OSBPL6: variants seen among roughly 807,000 people sequenced by gnomAD.
OSBPL6 encodes the protein oxysterol binding protein like 6.
In OSBPL6, 49 loss-of-function variants were observed where a neutral mutation model predicts 125.8. That is an observed-to-expected ratio of 0.39 (90% confidence interval 0.31 to 0.49). The LOEUF (loss-of-function observed/expected upper bound fraction) is 0.49. Among genes scored for constraint, OSBPL6 ranks in the 20% least tolerant of loss-of-function variants. OSBPL6 has a pLI of 0.88. For missense variants in OSBPL6, 986 were observed against 1,135.4 expected, an observed-to-expected ratio of 0.87 and a Z score of 1.89; for synonymous variants, 394 against 391.8, an observed-to-expected ratio of 1.01 and a Z score of -0.07.
At chr2:178,339,926 A>G (rs544411051) in intron 11 of OSBPL6, among the ~76,000 whole-genome samples, 162 bp downstream of exon 11, 11 of 152,158 alleles carry the variant, frequency 7.2e-5, no homozygotes, top group Non-Finnish European at 1.2e-4. Flanking sequence ...AAATCTCTAT[A>G]TTTTTCTTAC....
chr2:178,374,444 G>A (rs551435044), intron 15 of OSBPL6, among the ~76,000 whole-genome samples: 1 of 152,338 alleles, frequency 6.6e-6, no homozygotes, highest in South Asian at 2.1e-4. Context: ...CTAGGGACAT[G>A]AATTTAAACT....
chr2:178,271,205 A>G (rs1365035573), intron 1 of OSBPL6, among the ~76,000 whole-genome samples: 3 of 152,160 alleles, frequency 2.0e-5, no homozygotes, highest in Non-Finnish European at 4.4e-5. Flanking sequence ...CGGCATTTTA[A>G]AATTTATTTC....
At chr2:178,349,437 G>C in intron 12 of OSBPL6, 48 bp downstream of exon 12, 1 of 1,565,872 alleles carries the variant, frequency 6.4e-7, no homozygotes, top group Non-Finnish European at 8.8e-7. Context: ...CTTCTTTGAT[G>C]AAAGATTATC....
intron 2 of OSBPL6, among the ~76,000 whole-genome samples, chr2:178,301,370 G>C (rs1019131951): frequency 2.6e-5 from 4 of 152,094 alleles, no homozygotes; most frequent in African/African-American, 9.7e-5. Flanking sequence ...TGGTATATCT[G>C]TGTGGTAGTC....
At position 178,267,727 on chromosome 2, in the gene OSBPL6, G is replaced by A. The variant is rs947950116; in HGVS notation, c.-350-17200G>A. On this transcript the variant is annotated intron_variant, in intron 1 of 24. Coordinates refer to ENST00000190611, the MANE Select transcript of OSBPL6 (RefSeq NM_032523.4). The stretch of plus-strand genomic sequence containing the variant: ...AAGATACTGCACTAGGCATTTAACA[G>A]CATAGAAAAGTTTGGAACAACCAAG... 8.6e-5 allele frequency among the ~76,000 whole-genome samples: 13 copies of A among 151,578 alleles called. No homozygotes were observed. The East Asian group carries it at 2.3e-3, about 27-fold the overall frequency.
chr2:178,382,676 G>C, intron 16 of OSBPL6, 169 bp downstream of exon 16: 2 of 1,463,068 alleles, frequency 1.4e-6, no homozygotes, highest in Non-Finnish European at 1.8e-6. Flanking sequence ...TGAGGTAAAT[G>C]GTTGAAAAAA....
At chr2:178,337,883 A>C (rs1343957896) in intron 9 of OSBPL6, among the ~76,000 whole-genome samples, 1 of 152,132 alleles carries the variant, frequency 6.6e-6, no homozygotes, top group Non-Finnish European at 1.5e-5. Context: ...TATTTCCTGG[A>C]TAGAAAGCTC....
chr2:178,336,880 C>T (rs979705414), intron 9 of OSBPL6, among the ~76,000 whole-genome samples: 6 of 152,126 alleles, frequency 3.9e-5, no homozygotes, highest in African/African-American at 1.2e-4. Flanking sequence ...TCTGTCTTGC[C>T]CATGGAGCAG....
At chr2:178,261,590 T>C (rs2092066208) in intron 1 of OSBPL6, among the ~76,000 whole-genome samples, 1 of 152,150 alleles carries the variant, frequency 6.6e-6, no homozygotes, top group Admixed American at 6.5e-5. Context: ...CCTTTTCCCT[T>C]TCAGAAAAAC....
intron 13 of OSBPL6, among the ~76,000 whole-genome samples, chr2:178,363,078 A>C (rs918387998): frequency 6.6e-6 from 1 of 152,232 alleles, no homozygotes. Flanking sequence ...TCTTGTAAAC[A>C]TATAAAATAC....
chr2:178,280,430 G>A (rs1046089429), intron 1 of OSBPL6, among the ~76,000 whole-genome samples: 1 of 152,146 alleles, frequency 6.6e-6, no homozygotes, highest in Non-Finnish European at 1.5e-5. Flanking sequence ...TGTTAATAGT[G>A]TGGTGGTAAT....
intron 1 of OSBPL6, among the ~76,000 whole-genome samples, chr2:178,277,141 G>A (rs557511149): frequency 5.2e-4 from 79 of 152,168 alleles, no homozygotes; most frequent in Admixed American, 1.5e-3. Context: ...CAGAAGATTA[G>A]GATGTGTCCT....
chr2:178,364,915 C>T (rs1298115683), intron 13 of OSBPL6, among the ~76,000 whole-genome samples: 1 of 152,140 alleles, frequency 6.6e-6, no homozygotes, highest in Non-Finnish European at 1.5e-5. Flanking sequence ...GGCGCGGTGG[C>T]TCAAAATAAT....
chr2:178,205,281 A>T (rs1333458489), intron 1 of OSBPL6, among the ~76,000 whole-genome samples: 1 of 152,168 alleles, frequency 6.6e-6, no homozygotes. Flanking sequence ...GAAGCCAAAG[A>T]TGAAGGCTGG....
rs1036521152 is a variant in OSBPL6, at chr2:178,224,999, CTCTT to C, written c.-351+30329_-351+30332del. Among the ~76,000 whole-genome samples the C allele has an allele frequency of 8.0e-4, 45 of 56,544 alleles. No individual in the cohort carries two copies. The East Asian group carries it at 0.024, about 31-fold the overall frequency. 37.1% of individuals were successfully genotyped at this position (56,544 alleles called of 152,430 possible). A position where few individuals can be genotyped will look rare whatever the true frequency, so the allele number is the denominator to read the frequency against. ...TTTATCTCTCTCTGCTTCTCTCTCT[CTCTT>C]TCTCTCTCTCTCTCTCTCTCTCTGA... On this transcript the variant is annotated intron_variant, in intron 1 of 24. Coordinates refer to ENST00000190611, the MANE Select transcript of OSBPL6 (RefSeq NM_032523.4).
intron 13 of OSBPL6, among the ~76,000 whole-genome samples, chr2:178,363,996 G>A (rs116550522): frequency 3.7e-4 from 57 of 152,250 alleles, no homozygotes; most frequent in Middle Eastern, 3.4e-3. Context: ...ACCCCCACTG[G>A]CCATCTATTC....
chr2:178,334,692 G>C (rs1031996354), intron 8 of OSBPL6, among the ~76,000 whole-genome samples: 43 of 151,958 alleles, frequency 2.8e-4, no homozygotes, highest in Admixed American at 2.2e-3. Context: ...ACCACACCCA[G>C]CTCATTTTTA....
intron 17 of OSBPL6, 68 bp from the exon 18 acceptor site, chr2:178,383,971 G>A: frequency 6.5e-7 from 1 of 1,540,900 alleles, no homozygotes; most frequent in Non-Finnish European, 8.9e-7. Flanking sequence ...AATCTAGAGG[G>A]ATGAGGAACA....
At chr2:178,243,530 C>T (rs1017769951) in intron 1 of OSBPL6, among the ~76,000 whole-genome samples, 47 of 152,250 alleles carry the variant, frequency 3.1e-4, no homozygotes, top group Admixed American at 1.6e-3. Context: ...GCACTCCCCC[C>T]GACCCATATG....
Sources: allele counts gnomAD v4.1 joint callset (sites outside exome capture counted in the v4.1 genomes callset), GRCh38; gene constraint gnomAD v4.1.1; transcripts MANE v1.5; gene names NCBI Gene and HGNC (gene_info 2026-07-23, HGNC 2026-07-21).